Variants in ELMOD3 observed in about 807,000 individuals in gnomAD.
ELMOD3 encodes ELMO domain containing 3, also known as ELMO domain-containing protein 3.
ELMOD3 carries 36 observed loss-of-function variants against 47.4 expected under a neutral mutation model. The observed-to-expected ratio is 0.76, with a 90% confidence interval of 0.58 to 1.00. The LOEUF (loss-of-function observed/expected upper bound fraction) is 1.00. Among genes scored for constraint, ELMOD3 ranks in the 50% least tolerant of loss-of-function variants. ELMOD3 has a pLI of 0.00. For missense variants in ELMOD3, 404 were observed against 463.8 expected (o/e 0.87, Z 1.18); for synonymous variants, 149 against 183.5 (o/e 0.81, Z 1.52).
At chr2:85,387,061 G>A (rs1046574724) in intron 11 of ELMOD3, 3 of 1,295,372 alleles carry the variant, frequency 2.3e-6, no homozygotes, top group African/African-American at 1.5e-5. Flanking sequence ...TGTTAATAAT[G>A]TTGTTACCAT....
At chr2:85,364,825 A>ATATATATATATTTTTT (rs375582916) in intron 6 of ELMOD3, among the ~76,000 whole-genome samples, 8 of 69,896 alleles carry the variant, frequency 1.1e-4, no homozygotes, top group African/African-American at 1.3e-4. Context: ...ATATATATAT[A>ATATATATATATTTTTT]TTTTTTTTTT....
chr2:85,377,301 T>C (rs762371446), intron 10 of ELMOD3, 43 bp from the exon 11 acceptor site: 2 of 1,529,670 alleles, frequency 1.3e-6, no homozygotes, highest in Non-Finnish European at 1.8e-6. Flanking sequence ...CCTTGAAGCA[T>C]TGCTCGCTGC....
At chr2:85,359,477 G>A (rs1346507581) in intron 4 of ELMOD3, among the ~76,000 whole-genome samples, 1 of 143,486 alleles carries the variant, frequency 7.0e-6, no homozygotes, top group Non-Finnish European at 1.5e-5. Flanking sequence ...ACGCGATCTC[G>A]GCTCACTGCA....
chr2:85,387,912 A>C (rs1573155698), intron 11 of ELMOD3, among the ~76,000 whole-genome samples: 1 of 152,186 alleles, frequency 6.6e-6, no homozygotes, highest in Non-Finnish European at 1.5e-5. Flanking sequence ...GGTGATGTCC[A>C]AGAGGCCTCT....
intron 6 of ELMOD3, among the ~76,000 whole-genome samples, chr2:85,367,912 TTTTC>T (rs1684507240): frequency 1.3e-5 from 2 of 151,728 alleles, no homozygotes; most frequent in Non-Finnish European, 2.9e-5. Flanking sequence ...CTTACTTTTC[TTTTC>T]TTTTTTTTTT....
At chr2:85,364,135 ACT>A (rs201830620) in intron 6 of ELMOD3, among the ~76,000 whole-genome samples, 12,384 of 145,116 alleles carry the variant, frequency 0.085, 604 homozygotes, top group South Asian at 0.2. Flanking sequence ...TTAAAAAAAT[ACT>A]CTTTTTTTTT....
chr2:85,367,107 T>C (rs908046559), intron 6 of ELMOD3, among the ~76,000 whole-genome samples: 86 of 152,224 alleles, frequency 5.6e-4, no homozygotes, highest in Non-Finnish European at 8.8e-5. Context: ...ATTCATTCAT[T>C]CATCAAACAT....
intron 11 of ELMOD3, among the ~76,000 whole-genome samples, chr2:85,384,573 G>A (rs979253094): frequency 6.6e-6 from 1 of 151,998 alleles, no homozygotes; most frequent in Non-Finnish European, 1.5e-5. Flanking sequence ...AGTAGCAAAA[G>A]GTAGCAATCC....
At chr2:85,358,890 A>T (rs1683747588) in intron 4 of ELMOD3, among the ~76,000 whole-genome samples, 1 of 152,232 alleles carries the variant, frequency 6.6e-6, no homozygotes, top group Non-Finnish European at 1.5e-5. Flanking sequence ...ATAACTGTGA[A>T]AATGGTCTCT....
intron 11 of ELMOD3, among the ~76,000 whole-genome samples, chr2:85,386,144 C>CTGG (rs1685905921): frequency 6.6e-6 from 1 of 152,194 alleles, no homozygotes; most frequent in Non-Finnish European, 1.5e-5. Context: ...AGAAGATACT[C>CTGG]TGGTCTTCCT....
At chr2:85,359,106 A>G (rs1213211091) in intron 4 of ELMOD3, among the ~76,000 whole-genome samples, 2 of 152,230 alleles carry the variant, frequency 1.3e-5, no homozygotes, top group Admixed American at 6.5e-5. Context: ...CAGCCCATTA[A>G]TGAACATTTA....
intron 6 of ELMOD3, among the ~76,000 whole-genome samples, chr2:85,365,311 C>T (rs1228310447): frequency 6.6e-6 from 1 of 150,918 alleles, no homozygotes; most frequent in African/African-American, 2.4e-5. Flanking sequence ...GATCGCACCA[C>T]TGCACTCCAG....
intron 11 of ELMOD3, among the ~76,000 whole-genome samples, chr2:85,387,808 G>A (rs144300600): frequency 2.5e-4 from 38 of 152,158 alleles, no homozygotes; most frequent in Non-Finnish European, 8.8e-5. Context: ...GGGACTCTAC[G>A]TATAGTTATA....
intron 11 of ELMOD3, among the ~76,000 whole-genome samples, chr2:85,381,236 G>A (rs1685521499): frequency 6.6e-6 from 1 of 152,116 alleles, no homozygotes; most frequent in South Asian, 2.1e-4. Flanking sequence ...TTTGATTTTG[G>A]AAAGTTTGTC....
At chr2:85,383,315 G>C (rs1320806200) in intron 11 of ELMOD3, among the ~76,000 whole-genome samples, 1 of 151,606 alleles carries the variant, frequency 6.6e-6, no homozygotes. Context: ...TTTTAGTAGA[G>C]ACAGGGTTTC....
At chr2:85,358,533 G>A (rs1207744299) in intron 4 of ELMOD3, among the ~76,000 whole-genome samples, 1 of 152,150 alleles carries the variant, frequency 6.6e-6, no homozygotes, top group Admixed American at 6.6e-5. Flanking sequence ...TCTGCAGCAG[G>A]TGTGTTGATT....
In ELMOD3 at chr2:85,377,409, G is replaced by A. The variant is rs764358402; in HGVS notation, c.673G>A (p.Val225Met). The change falls in exon 11 of 14, where the codon GTG (valine) becomes ATG (methionine). Residue 225 changes from valine to methionine, a missense_variant. Transcript: ENST00000409013. ...TGCCCTCCTGCATCTGCTCTACCTGGTGATGGACTCAAAGACCTTGCCGAT... is the reference window on the plus strand; with the variant it reads ...TGCCCTCCTGCATCTGCTCTACCTGATGATGGACTCAAAGACCTTGCCGAT... ...FLALLHLLYL[V>M]MDSKTLPMAQ... 6.2e-6 allele frequency: 10 copies of A among 1,611,814 alleles called. No individual in the cohort carries two copies. Among genetic ancestry groups the A allele is most frequent in the East Asian group, 2.2e-5 (1 of 44,698 alleles).
At chr2:85,387,133 A>G (rs1685986330) in intron 11 of ELMOD3, 3 of 1,300,608 alleles carry the variant, frequency 2.3e-6, no homozygotes, top group Non-Finnish European at 3.0e-6. Flanking sequence ...GATATTATGC[A>G]AGTATATATG....
chr2:85,382,946 A>C (rs1015112303), intron 11 of ELMOD3, among the ~76,000 whole-genome samples: 11 of 132,626 alleles, frequency 8.3e-5, no homozygotes, highest in Non-Finnish European at 6.6e-5. Context: ...CAGGAAAAAA[A>C]AAAAAAAACA....
Sources: allele counts gnomAD v4.1 joint callset (sites outside exome capture counted in the v4.1 genomes callset), GRCh38; gene constraint gnomAD v4.1.1; transcripts MANE v1.5; gene names NCBI Gene and HGNC (gene_info 2026-07-23, HGNC 2026-07-21).